Variants in GABRA4 observed in about 807,000 individuals in gnomAD.
GABRA4 encodes the protein gamma-aminobutyric acid receptor subunit alpha-4.
GABRA4 carries 12 observed loss-of-function variants against 49.7 expected under a neutral mutation model. The ratio of observed to expected loss-of-function variants is 0.24; its 90% CI spans 0.15 to 0.39. The LOEUF (loss-of-function observed/expected upper bound fraction) is 0.39, where lower values mean the gene tolerates loss of function less well. Ranked by LOEUF, GABRA4 falls within the 10% of genes least tolerant of loss-of-function variation. GABRA4 has a pLI of 1.00. For synonymous variants in GABRA4, 288 were observed against 240.2 expected (o/e 1.20, Z -1.84); for missense variants, 506 against 686.0 (o/e 0.74, Z 2.93).
intron 8 of GABRA4, among the ~76,000 whole-genome samples, chr4:46,961,290 G>A (rs1722564227): frequency 6.6e-6 from 1 of 151,862 alleles, no homozygotes. Flanking sequence ...CAGGGTGAAT[G>A]CCTAACCTAA....
In GABRA4 at chr4:46,928,487, G is replaced by T; in HGVS notation, c.1403C>A (p.Ala468Asp). 6.2e-7 allele frequency: 1 copy of T among 1,613,608 alleles called. No individual in the cohort carries two copies. The highest frequency in any genetic ancestry group is 8.5e-7 in the Non-Finnish European group (1 of 1,179,680). Residue 468 changes from alanine (A) to aspartate (D), a missense_variant, in exon 9 of 9, where the codon GCT (alanine) becomes GAT (aspartate). Ala to Asp is a moderately radical substitution (Grantham distance 126). Transcript: ENST00000264318. ...SIRTGYMPRKASVGSASTRHV... is the reference protein window; with the variant it reads ...SIRTGYMPRKDSVGSASTRHV... ...ACGAGTAGAAGCAGATCCAACTGAA[G>T]CCTTTCGAGGCATATATCCAGTTCG...
chr4:46,937,023 A>C (rs1053664344), intron 8 of GABRA4, among the ~76,000 whole-genome samples: 2 of 152,206 alleles, frequency 1.3e-5, no homozygotes, highest in East Asian at 3.9e-4. Context: ...TATGTTGAAA[A>C]CTGAACTCTC....
chr4:46,973,965 T>C (rs1474567584), intron 6 of GABRA4, among the ~76,000 whole-genome samples: 1 of 151,778 alleles, frequency 6.6e-6, no homozygotes, highest in Non-Finnish European at 1.5e-5. Flanking sequence ...TTTGTGAAAA[T>C]AATTTTAACA....
intron 3 of GABRA4, among the ~76,000 whole-genome samples, chr4:46,978,554 G>A (rs1003293255): frequency 6.6e-6 from 1 of 151,446 alleles, no homozygotes; most frequent in Admixed American, 6.6e-5. Flanking sequence ...AGGCACGGTG[G>A]GGCATGCCTG....
At chr4:46,964,868 A>T in intron 8 of GABRA4, 102 bp downstream of exon 8, 1 of 1,231,956 alleles carries the variant, frequency 8.1e-7, no homozygotes, top group South Asian at 1.6e-5. Flanking sequence ...AATGACTTAC[A>T]AGTTGATATC....
chr4:46,991,726 A>G (rs941304811), intron 2 of GABRA4, among the ~76,000 whole-genome samples: 5 of 35,922 alleles, frequency 1.4e-4, no homozygotes, highest in African/African-American at 4.1e-4. Flanking sequence ...CTTGGACTCA[A>G]TTTCCTTATC....
chr4:46,931,516 T>C (rs912177531), intron 8 of GABRA4, among the ~76,000 whole-genome samples: 1 of 152,146 alleles, frequency 6.6e-6, no homozygotes, highest in Non-Finnish European at 1.5e-5. Flanking sequence ...GCTTCAAAAG[T>C]GACACCAATT....
chr4:46,939,850 G>A (rs1029636682), intron 8 of GABRA4, among the ~76,000 whole-genome samples: 4 of 151,664 alleles, frequency 2.6e-5, no homozygotes, highest in African/African-American at 7.3e-5. Flanking sequence ...CTTACTGATC[G>A]TTCTTACTCC....
chr4:46,929,059 T>C (rs993920196), intron 8 of GABRA4, among the ~76,000 whole-genome samples: 13 of 152,172 alleles, frequency 8.5e-5, no homozygotes, highest in Middle Eastern at 6.9e-3. Context: ...TCATGCTTAA[T>C]TGCATTTTAA....
rs750238231 is a variant in GABRA4 at position 46,993,352 on chromosome 4, A to G, written c.73T>C (p.Cys25Arg). The G allele has an allele frequency of 6.2e-7, 1 of 1,614,146 alleles. No individual in the cohort carries two copies. The highest frequency in any genetic ancestry group is 8.5e-7 in the Non-Finnish European group (1 of 1,179,990). Residue 25 changes from cysteine to arginine, a missense_variant, in exon 1 of 9, where the codon TGC (cysteine) becomes CGC (arginine). Cys to Arg is a radical substitution (Grantham distance 180). Transcript: ENST00000264318. Reference protein sequence around the residue: ...GVSFALLRFLCLAVCLNESPG... With the variant: ...GVSFALLRFLRLAVCLNESPG... ...CAGAGAACTCACCAAACCGCCAGGC[A>G]CAGGAAGCGCAGGAGGGCGAAACTG...
At chr4:46,984,158 G>A (rs1723455929) in intron 2 of GABRA4, among the ~76,000 whole-genome samples, 1 of 151,876 alleles carries the variant, frequency 6.6e-6, no homozygotes, top group East Asian at 1.9e-4. Flanking sequence ...GAAAACCTAG[G>A]GTGTTTTGCT....
At chr4:46,988,335 C>T (rs1426474477) in intron 2 of GABRA4, among the ~76,000 whole-genome samples, 1 of 152,124 alleles carries the variant, frequency 6.6e-6, no homozygotes, top group African/African-American at 2.4e-5. Flanking sequence ...AGAATGATAT[C>T]TTCACAACCT....
At position 46,980,373 on chromosome 4, in the gene GABRA4, C is replaced by CAAA. The variant is rs35377347; in HGVS notation, c.206-1278_206-1276dup. Among the ~76,000 whole-genome samples the CAAA allele has an allele frequency of 9.6e-3, 1,225 of 127,140 alleles. 13 individuals carry two copies. Among genetic ancestry groups the CAAA allele is most frequent in the African/African-American group, 0.015 (558 of 36,240 alleles). 83.4% of individuals were successfully genotyped at this position (127,140 alleles called of 152,430 possible). A position where few individuals can be genotyped will look rare whatever the true frequency, so the allele number is the denominator to read the frequency against. ...CTTGCTTGGGAAATGCGATTTATGC[C>CAAA]AAAAAAAAAAAAAAAAGGCAGAGAG... is the stretch of plus-strand genomic sequence containing the variant. On this transcript the variant is annotated intron_variant, in intron 2 of 8. Transcript: ENST00000264318.
In GABRA4 at chr4:46,965,117, A is replaced by G; in HGVS notation, c.987T>C (p.Phe329=). Residue 329 remains phenylalanine, a synonymous_variant, in exon 8 of 9, where the codon TTT becomes TTC. Transcript: ENST00000264318. ...CAAACTCGATAAGGGCCGAAAATAC[A>G]AAAGCAAAGCAGACAGCTATGAACC... is the stretch of plus-strand genomic sequence containing the variant. The part of the protein sequence containing the change: ...MDWFIAVCFA[F]VFSALIEFAA... 1 of 1,612,224 alleles carries G rather than the reference A, an allele frequency of 6.2e-7. No homozygotes were observed. The highest frequency in any genetic ancestry group is 1.7e-5 in the Admixed American group (1 of 59,812).
At chr4:46,987,134 C>T (rs936646824) in intron 2 of GABRA4, among the ~76,000 whole-genome samples, 2 of 152,132 alleles carry the variant, frequency 1.3e-5, no homozygotes, top group Admixed American at 6.6e-5. Context: ...CAGTCCTAAT[C>T]AGCCTGCAAA....
rs1012208790 is a variant in GABRA4, at chr4:46,922,962, T to C, written c.*5263A>G. ...ACCCATTGAGCATTATCGCCTGAGC[T>C]CTGCCTCCTGTCAGATTAGCGGCGG... On this transcript the variant is annotated 3_prime_UTR_variant, in exon 9 of 9. Transcript: ENST00000264318. 1 of 152,172 alleles carries C rather than the reference T, an allele frequency of 6.6e-6. No individual in the cohort carries two copies. The highest frequency in any genetic ancestry group is 1.5e-5 in the Non-Finnish European group (1 of 68,086). The allele number at this position is 152,172 out of a possible 1,614,324, so 9.4% of individuals were successfully genotyped here. A position where few individuals can be genotyped will look rare whatever the true frequency, so the allele number is the denominator to read the frequency against.
intron 8 of GABRA4, among the ~76,000 whole-genome samples, chr4:46,933,526 A>G (rs1721512508): frequency 6.6e-6 from 1 of 152,188 alleles, no homozygotes; most frequent in African/African-American, 2.4e-5. Context: ...CTCTCTGCCA[A>G]GCAGTTAAAT....
chr4:46,973,027 A>G (rs1723005741), intron 6 of GABRA4, among the ~76,000 whole-genome samples: 1 of 151,806 alleles, frequency 6.6e-6, no homozygotes, highest in South Asian at 2.1e-4. Context: ...GGGTTTTGCC[A>G]GTTATTAGCT....
At chr4:46,951,738 ATATGTG>A (rs1208390177) in intron 8 of GABRA4, among the ~76,000 whole-genome samples, 2 of 151,496 alleles carry the variant, frequency 1.3e-5, no homozygotes, top group African/African-American at 4.8e-5. Context: ...TTATATATAT[ATATGTG>A]TGTGTGTGTA....
Sources: allele counts gnomAD v4.1 joint callset (sites outside exome capture counted in the v4.1 genomes callset), GRCh38; gene constraint gnomAD v4.1.1; transcripts MANE v1.5; gene names NCBI Gene and HGNC (gene_info 2026-07-23, HGNC 2026-07-21).